Variants in PDE4D observed in about 807,000 individuals in gnomAD.
PDE4D encodes phosphodiesterase 4D, also known as 3',5'-cyclic-AMP phosphodiesterase 4D.
Under a neutral mutation model 87.4 loss-of-function variants are expected in PDE4D, and 24 were observed. The observed-to-expected ratio is 0.27, with a 90% CI of 0.20 to 0.39. PDE4D has a LOEUF of 0.39. Among genes scored for constraint, PDE4D ranks in the 10% least tolerant of loss-of-function variants. The pLI is 1.00. For missense variants in PDE4D, 714 were observed against 1,041.0 expected (o/e 0.69, Z 4.32); for synonymous variants, 384 against 383.2 (o/e 1.00, Z -0.02).
chr5:59,830,030 T>C (rs1740946592), intron 1 of PDE4D, among the ~76,000 whole-genome samples: 1 of 152,112 alleles, frequency 6.6e-6, no homozygotes, highest in South Asian at 2.1e-4. Flanking sequence ...ACTGCATGCT[T>C]GTCCCTATTT....
At chr5:59,389,356 G>A (rs978719942) in intron 1 of PDE4D, among the ~76,000 whole-genome samples, 1 of 151,596 alleles carries the variant, frequency 6.6e-6, no homozygotes, top group Admixed American at 6.6e-5. Flanking sequence ...AGTTTCTAAG[G>A]ATTGTTTAAA....
intron 2 of PDE4D, among the ~76,000 whole-genome samples, chr5:60,175,762 T>C (rs1172527926): frequency 6.6e-6 from 1 of 152,160 alleles, no homozygotes; most frequent in Non-Finnish European, 1.5e-5. Flanking sequence ...ATGTTCTGAT[T>C]AAGACTCAGT....
At chr5:59,691,300 G>A (rs1014137430) in intron 1 of PDE4D, among the ~76,000 whole-genome samples, 2 of 152,140 alleles carry the variant, frequency 1.3e-5, no homozygotes, top group African/African-American at 4.8e-5. Flanking sequence ...ATTCACAATA[G>A]CAAAGACTTG....
chr5:60,450,337 G>A (rs1441340525), intron 1 of PDE4D, among the ~76,000 whole-genome samples: 1 of 151,962 alleles, frequency 6.6e-6, no homozygotes, highest in Non-Finnish European at 1.5e-5. Context: ...TTCAAAAGGT[G>A]GTTTTGCCCC....
chr5:60,198,040 AT>A (rs5868224), intron 1 of PDE4D, among the ~76,000 whole-genome samples: 14,952 of 144,432 alleles, frequency 0.1, 1,196 homozygotes, highest in African/African-American at 0.19. Flanking sequence ...AAGAATTTGG[AT>A]TTTTTTTTTT....
intron 1 of PDE4D, among the ~76,000 whole-genome samples, chr5:59,427,627 T>C (rs904260014): frequency 6.6e-6 from 1 of 152,048 alleles, no homozygotes; most frequent in Non-Finnish European, 1.5e-5. Flanking sequence ...TGAGGCCAAC[T>C]GTTTGAGAAG....
At chr5:59,574,100 ATATT>A (rs1822556139) in intron 1 of PDE4D, among the ~76,000 whole-genome samples, 4 of 2,100 alleles carry the variant, frequency 1.9e-3, no homozygotes, top group African/African-American at 4.1e-3. Context: ...ATATAAATAT[ATATT>A]TATATATATA....
At chr5:59,601,719 C>T (rs141393764) in intron 1 of PDE4D, among the ~76,000 whole-genome samples, 7 of 152,212 alleles carry the variant, frequency 4.6e-5, no homozygotes, top group East Asian at 1.9e-4. Context: ...CCTCTCCTTT[C>T]GTGCTCAACC....
intron 5 of PDE4D, among the ~76,000 whole-genome samples, chr5:59,071,881 G>T (rs1764888146): frequency 1.3e-5 from 2 of 151,606 alleles, no homozygotes; most frequent in Non-Finnish European, 2.9e-5. Context: ...TAGAGACGGG[G>T]TTTCACCATA....
At chr5:60,394,253 T>A (rs1762738129) in intron 1 of PDE4D, among the ~76,000 whole-genome samples, 1 of 152,208 alleles carries the variant, frequency 6.6e-6, no homozygotes, top group Non-Finnish European at 1.5e-5. Context: ...TAATTTTTCC[T>A]ACACAAGGTC....
intron 1 of PDE4D, among the ~76,000 whole-genome samples, chr5:59,623,763 C>T (rs1312049012): frequency 6.6e-6 from 1 of 152,188 alleles, no homozygotes; most frequent in African/African-American, 2.4e-5. Flanking sequence ...GTGCTATTTA[C>T]ATTTAAGGAG....
intron 2 of PDE4D, among the ~76,000 whole-genome samples, chr5:60,034,476 T>C (rs1767572399): frequency 6.6e-6 from 1 of 152,164 alleles, no homozygotes; most frequent in Non-Finnish European, 1.5e-5. Flanking sequence ...GCTGTCACAT[T>C]GCCTTCTTCT....
At chr5:59,928,362 G>C (rs751549325) in intron 3 of PDE4D, among the ~76,000 whole-genome samples, 1 of 151,884 alleles carries the variant, frequency 6.6e-6, no homozygotes, top group South Asian at 2.1e-4. Flanking sequence ...CAGATGACCT[G>C]AGGTCAGGAG....
intron 1 of PDE4D, among the ~76,000 whole-genome samples, chr5:59,394,855 C>T (rs922209448): frequency 1.4e-4 from 21 of 151,972 alleles, no homozygotes; most frequent in Admixed American, 4.6e-4. Flanking sequence ...AGACAGTAGG[C>T]GCAGGTCAGT....
chr5:59,804,275 G>A (rs963621563), intron 1 of PDE4D, among the ~76,000 whole-genome samples: 9 of 152,138 alleles, frequency 5.9e-5, no homozygotes, highest in African/African-American at 2.2e-4. Context: ...CATGATATTT[G>A]GTTTTCCATT....
At chr5:60,374,484 G>A (rs759547416) in intron 1 of PDE4D, among the ~76,000 whole-genome samples, 3 of 152,148 alleles carry the variant, frequency 2.0e-5, no homozygotes, top group African/African-American at 7.2e-5. Context: ...GCAAAGCTCC[G>A]AAGAATAATT....
At chr5:59,328,825 G>A (rs769004082) in intron 1 of PDE4D, among the ~76,000 whole-genome samples, 1 of 152,220 alleles carries the variant, frequency 6.6e-6, no homozygotes, top group Non-Finnish European at 1.5e-5. Flanking sequence ...GAGGAATCAA[G>A]TCAATTGAAT....
chr5:60,454,216 G>T (rs528786836), intron 1 of PDE4D, among the ~76,000 whole-genome samples: 2 of 152,106 alleles, frequency 1.3e-5, no homozygotes, highest in Admixed American at 1.3e-4. Flanking sequence ...AAAGATGGTT[G>T]GTTCCATTGT....
At chr5:59,592,048 T>C (rs1825992617) in intron 1 of PDE4D, 1 of 644,578 alleles carries the variant, frequency 1.6e-6, no homozygotes, top group South Asian at 6.9e-5. Flanking sequence ...GAGTGTGCCA[T>C]CAGAATGAGA....
Sources: allele counts gnomAD v4.1 joint callset (sites outside exome capture counted in the v4.1 genomes callset), GRCh38; gene constraint gnomAD v4.1.1; transcripts MANE v1.5; gene names NCBI Gene and HGNC (gene_info 2026-07-23, HGNC 2026-07-21).